SYN3: variants seen among roughly 807,000 people sequenced by gnomAD.
SYN3 encodes synapsin III, also known as synapsin-3.
A neutral mutation model predicts 65.8 loss-of-function variants in SYN3; 35 were observed. That is an observed-to-expected ratio of 0.53 (90% confidence interval 0.41 to 0.70). SYN3 has a LOEUF of 0.70. Among genes scored for constraint, SYN3 ranks in the 30% least tolerant of loss-of-function variants. The probability of loss-of-function intolerance (pLI) is 0.00; values close to 1 mark genes in which losing one functional copy is unlikely to be tolerated. For missense variants in SYN3, 680 were observed against 749.0 expected, an observed-to-expected ratio of 0.91 and a Z score of 1.08; for synonymous variants, 270 against 292.9, an observed-to-expected ratio of 0.92 and a Z score of 0.80.
chr22:32,573,006 A>T (rs2058800507), intron 7 of SYN3, among the ~76,000 whole-genome samples: 2 of 152,218 alleles, frequency 1.3e-5, no homozygotes, highest in Admixed American at 6.5e-5. Context: ...ATAAGAGGTG[A>T]TTGTTAAATA....
At chr22:32,703,303 C>T (rs1391858391) in intron 6 of SYN3, among the ~76,000 whole-genome samples, 1 of 152,192 alleles carries the variant, frequency 6.6e-6, no homozygotes, top group Non-Finnish European at 1.5e-5. Context: ...GTATTATACA[C>T]ACTCAGGATC....
chr22:32,849,551 C>T, intron 6 of SYN3: 4 of 1,610,660 alleles, frequency 2.5e-6, no homozygotes, highest in Non-Finnish European at 3.4e-6. Context: ...AATGTCATCA[C>T]CCTGGCTCCG....
chr22:32,823,238 T>G (rs2047304222), intron 6 of SYN3, among the ~76,000 whole-genome samples: 1 of 152,204 alleles, frequency 6.6e-6, no homozygotes, highest in South Asian at 2.1e-4. Context: ...CTGGTGGGAC[T>G]TGTAAGTCCC....
In SYN3 at chr22:32,527,973, C is replaced by T. The variant is rs1336237710; in HGVS notation, c.1263G>A (p.Gly421=). The part of the protein sequence containing the change: ...APQIKSAKSP[G]QAQLGPQLGQ... ...CTAGCTGAGGCCCCAGCTGGGCTTG[C>T]CCTGGGGATTTCGCTGATTTAATCT... Residue 421 remains glycine, a synonymous_variant, in exon 12 of 14, where the codon GGG becomes GGA. Transcript: ENST00000358763. 1.3e-6 allele frequency: 2 copies of T among 1,590,130 alleles called. No individual in the cohort carries two copies. The highest frequency in any genetic ancestry group is 1.7e-6 in the Non-Finnish European group (2 of 1,167,258).
At chr22:32,524,170 A>C (rs549690270) in intron 12 of SYN3, among the ~76,000 whole-genome samples, 47 of 152,380 alleles carry the variant, frequency 3.1e-4, no homozygotes, top group South Asian at 1.0e-3. Flanking sequence ...AAGCTGCAGC[A>C]AGTTATCCAG....
chr22:32,698,732 G>A (rs2060771728), intron 6 of SYN3, among the ~76,000 whole-genome samples: 1 of 152,198 alleles, frequency 6.6e-6, no homozygotes, highest in Non-Finnish European at 1.5e-5. Flanking sequence ...AATACACATT[G>A]TTATTGAAAG....
chr22:32,569,215 T>G (rs554317703), intron 7 of SYN3, among the ~76,000 whole-genome samples: 1 of 142,870 alleles, frequency 7.0e-6, no homozygotes, highest in East Asian at 2.3e-4. Flanking sequence ...AGAAATTCTA[T>G]CTACCTAATT....
intron 7 of SYN3, among the ~76,000 whole-genome samples, chr22:32,588,182 C>T (rs969823029): frequency 2.6e-5 from 4 of 152,140 alleles, no homozygotes; most frequent in Non-Finnish European, 4.4e-5. Context: ...TGGGGCTGAA[C>T]GATTTCAAAG....
intron 6 of SYN3, among the ~76,000 whole-genome samples, chr22:32,742,863 C>T: frequency 6.6e-6 from 1 of 152,192 alleles, no homozygotes; most frequent in Non-Finnish European, 1.5e-5. Flanking sequence ...ACAAAAACAG[C>T]TCACACGAAT....
intron 4 of SYN3, among the ~76,000 whole-genome samples, chr22:32,876,939 A>G (rs2049000627): frequency 6.6e-6 from 1 of 152,278 alleles, no homozygotes; most frequent in Non-Finnish European, 1.5e-5. Context: ...ATAGATAGAT[A>G]AATAAGTAGA....
chr22:32,682,255 C>T (rs371010007), intron 6 of SYN3, among the ~76,000 whole-genome samples: 3 of 152,192 alleles, frequency 2.0e-5, no homozygotes, highest in East Asian at 1.9e-4. Flanking sequence ...ATGCACAAGT[C>T]TGCCCCCACA....
At chr22:32,718,234 A>T (rs548395328) in intron 6 of SYN3, among the ~76,000 whole-genome samples, 50 of 152,148 alleles carry the variant, frequency 3.3e-4, no homozygotes, top group African/African-American at 9.4e-4. Context: ...ATTCTCCCAC[A>T]TCCCCTTCTA....
At chr22:32,890,102 G>T in intron 4 of SYN3, among the ~76,000 whole-genome samples, 1 of 114,186 alleles carries the variant, frequency 8.8e-6, no homozygotes, top group African/African-American at 3.1e-5. Context: ...TTTTGAGACA[G>T]GGTTATTACT....
intron 6 of SYN3, among the ~76,000 whole-genome samples, chr22:32,851,472 C>G (rs1300121650): frequency 2.0e-5 from 3 of 152,144 alleles, no homozygotes; most frequent in Non-Finnish European, 4.4e-5. Flanking sequence ...AGCCTATCAG[C>G]ATCAGACACT....
chr22:32,910,647 G>A (rs1473286213), intron 4 of SYN3, among the ~76,000 whole-genome samples: 2 of 145,000 alleles, frequency 1.4e-5, no homozygotes, highest in Non-Finnish European at 3.0e-5. Flanking sequence ...TGGTGCAAAC[G>A]TAATTGCGCT....
intron 6 of SYN3, among the ~76,000 whole-genome samples, chr22:32,715,605 C>A (rs2061026712): frequency 6.6e-6 from 1 of 151,756 alleles, no homozygotes; most frequent in African/African-American, 2.4e-5. Context: ...ATGGTGAAAC[C>A]CCGTCTCTAC....
chr22:32,688,670 C>T (rs1183631446), intron 6 of SYN3, among the ~76,000 whole-genome samples: 8 of 151,740 alleles, frequency 5.3e-5, no homozygotes, highest in Non-Finnish European at 5.9e-5. Context: ...TTTTTTTCAC[C>T]TGCTCCTCAG....
intron 6 of SYN3, among the ~76,000 whole-genome samples, chr22:32,679,839 CTTTTTTT>C (rs747116076): frequency 1.5e-4 from 6 of 39,154 alleles, no homozygotes; most frequent in African/African-American, 4.6e-4. Flanking sequence ...TGTTTTTTGG[CTTTTTTT>C]TTTTTTTTTT....
intron 1 of SYN3, among the ~76,000 whole-genome samples, chr22:33,030,956 T>C (rs1426759617): frequency 6.6e-6 from 1 of 151,380 alleles, no homozygotes; most frequent in Non-Finnish European, 1.5e-5. Flanking sequence ...AAGACAGATA[T>C]ACATAGACAG....
Sources: allele counts gnomAD v4.1 joint callset (sites outside exome capture counted in the v4.1 genomes callset), GRCh38; gene constraint gnomAD v4.1.1; transcripts MANE v1.5; gene names NCBI Gene and HGNC (gene_info 2026-07-23, HGNC 2026-07-21).